Variants in MYH3 observed in about 807,000 individuals in gnomAD.
The protein encoded by MYH3 is myosin-3.
In MYH3, 130 loss-of-function variants were observed where a neutral mutation model predicts 238.0. That is an observed-to-expected ratio of 0.55 (90% CI 0.47 to 0.63). The LOEUF is 0.63. Among genes scored for constraint, MYH3 ranks in the 30% least tolerant of loss-of-function variants. The probability of loss-of-function intolerance (pLI) is 0.00; values close to 1 mark genes in which losing one functional copy is unlikely to be tolerated. For synonymous variants in MYH3, 880 were observed against 924.1 expected, an observed-to-expected ratio of 0.95 and a Z score of 0.86; for missense variants, 1,853 against 2,374.9, an observed-to-expected ratio of 0.78 and a Z score of 4.57.
intron 40 of MYH3, among the ~76,000 whole-genome samples, chr17:10,628,917 T>C (rs1213740817): frequency 1.3e-5 from 2 of 152,188 alleles, no homozygotes; most frequent in African/African-American, 4.8e-5. Context: ...TCGGATGCTG[T>C]GTGTTCAGCG....
upstream of MYH3, among the ~76,000 whole-genome samples, chr17:10,660,752 G>A (rs138083166): frequency 0.011 from 1,632 of 151,782 alleles, 27 homozygotes; most frequent in African/African-American, 0.037. Flanking sequence ...AGGCCAAGGC[G>A]GGTGGATCAC....
chr17:10,648,768 C>T (rs1263012284), intron 7 of MYH3, 119 bp from the exon 8 acceptor site: 7 of 829,780 alleles, frequency 8.4e-6, no homozygotes, highest in East Asian at 2.6e-5. Flanking sequence ...CTCCACCTCC[C>T]GGGTTCATGT....
chr17:10,638,539 C>T, intron 26 of MYH3, 107 bp from the exon 27 acceptor site: 1 of 1,448,598 alleles, frequency 6.9e-7, no homozygotes, highest in Non-Finnish European at 9.4e-7. Flanking sequence ...GAGTCTTAGA[C>T]TCCCCTCCAA....
rs754034118 is a variant in MYH3, at chr17:10,640,474, T to G, written c.2290-5A>C. 1.6e-5 allele frequency: 26 copies of G among 1,614,082 alleles called. No individual in the cohort carries two copies. The highest frequency in any genetic ancestry group is 2.5e-6 in the Non-Finnish European group (3 of 1,180,040). On this transcript the variant is annotated splice_region_variant and splice_polypyrimidine_tract_variant and intron_variant, in intron 20 of 40. Coordinates refer to ENST00000583535, the MANE Select transcript of MYH3 (RefSeq NM_002470.4). ...CAAGCCAGCCTTGAAGAACACCTTA[T>G]GGGGCAGAAGGGTGACATGAGTCAG...
chr17:10,648,037 G>A (rs1461465439), intron 8 of MYH3, among the ~76,000 whole-genome samples: 1 of 152,138 alleles, frequency 6.6e-6, no homozygotes, highest in Non-Finnish European at 1.5e-5. Context: ...CTGGCTTATA[G>A]AATCCCTCAG....
intron 36 of MYH3, 95 bp downstream of exon 36, chr17:10,631,516 T>C: frequency 6.3e-7 from 1 of 1,582,146 alleles, no homozygotes; most frequent in Non-Finnish European, 8.7e-7. Context: ...GTGCACCAGG[T>C]GTGGCTGGGG....
In MYH3 at chr17:10,645,997, G is replaced by C; in HGVS notation, c.934C>G (p.Pro312Ala). 1 of 1,613,970 alleles carries C rather than the reference G, an allele frequency of 6.2e-7. No individual in the cohort carries two copies. The highest frequency in any genetic ancestry group is 2.2e-5 in the East Asian group (1 of 44,840). The change falls in exon 11 of 41, where the codon CCG becomes GCG. Residue 312 changes from proline to alanine, a missense_variant. Transcript: ENST00000583535. ...AGGATCTCCCCCTGGCTAATGAACG[G>C]GTAGTCGTAAGGGTTGGTCGTAATA... is the stretch of plus-strand genomic sequence containing the variant. ...LLITTNPYDYPFISQGEILVA... is the reference protein window; with the variant it reads ...LLITTNPYDYAFISQGEILVA...
the MYH3 span, among the ~76,000 whole-genome samples, chr17:10,671,618 C>T: frequency 2.1e-4 from 27 of 126,926 alleles, no homozygotes; most frequent in East Asian, 4.7e-3. Context: ...TAGCTCTTGT[C>T]GCCCAGGCTG....
chr17:10,652,495 C>T lies in MYH3; in HGVS notation c.273G>A (p.Met91Ile), dbSNP rs1398260280. 6.2e-7 allele frequency: 1 copy of T among 1,613,868 alleles called. No homozygotes were observed. The highest frequency in any genetic ancestry group is 1.7e-4 in the Middle Eastern group (1 of 6,060). ...GCTCATTCAGGTGCGTCAGCATGGC[C>T]ATGTCTTCGATCCTGTCGAACTTGG... is the stretch of plus-strand genomic sequence containing the variant. The part of the protein sequence containing the change: ...NPPKFDRIED[M>I]AMLTHLNEPA... The change falls in exon 4 of 41, where the codon ATG becomes ATA. Residue 91 changes from methionine to isoleucine, a missense_variant. Transcript: ENST00000583535.
At chr17:10,629,379 A>G (rs2074128264) in intron 40 of MYH3, among the ~76,000 whole-genome samples, 1 of 152,050 alleles carries the variant, frequency 6.6e-6, no homozygotes, top group Non-Finnish European at 1.5e-5. Flanking sequence ...TTATGGCTGC[A>G]TAGTATTCCA....
At chr17:10,668,210 T>C in the MYH3 span, among the ~76,000 whole-genome samples, 86,588 of 152,092 alleles carry the variant, frequency 0.57, 27,017 homozygotes, top group African/African-American at 0.83. Flanking sequence ...GCCTGACAAA[T>C]ATGGCGAAAT....
rs544303999 is a variant in MYH3, at chr17:10,652,724, C to T, written c.205-161G>A. ...GCAAGCTCCACCTCCCGGGTTCACA[C>T]CATTCTTCTGCCTCAGCCTCCCAAG... On this transcript the variant is annotated intron_variant, in intron 3 of 40. Transcript: ENST00000583535. Among the ~76,000 whole-genome samples the T allele has an allele frequency of 2.7e-5, 4 of 146,512 alleles. No homozygotes were observed. In the East Asian group the frequency reaches 8.2e-4, roughly 30 times the overall value.
chr17:10,671,410 T>G, the MYH3 span, among the ~76,000 whole-genome samples: 1 of 152,134 alleles, frequency 6.6e-6, no homozygotes, highest in African/African-American at 2.4e-5. Context: ...TCGCTTTCCA[T>G]GTGAGAGTCC....
Position 10,656,124 on chromosome 17 carries a change from C to G in MYH3, c.-43G>C, listed in dbSNP as rs565949937. The G allele has an allele frequency of 6.6e-6, 1 of 152,316 alleles. No individual in the cohort carries two copies. The highest frequency in any genetic ancestry group is 1.5e-5 in the Non-Finnish European group (1 of 68,116). 9.4% of individuals were successfully genotyped at this position (152,316 alleles called of 1,614,324 possible). A position where few individuals can be genotyped will look rare whatever the true frequency, so the allele number is the denominator to read the frequency against. On this transcript the variant is annotated 5_prime_UTR_variant, in exon 2 of 41. Transcript: ENST00000583535. The stretch of plus-strand genomic sequence containing the variant: ...CCACCTGCAGGATGAGAGCAGAAGA[C>G]AGCAACAGCCAGGAGATCCCAGACC...
At chr17:10,672,194 TC>T in the MYH3 span, among the ~76,000 whole-genome samples, 3 of 152,366 alleles carry the variant, frequency 2.0e-5, no homozygotes, top group Admixed American at 2.0e-4. Context: ...TTGTTTCATT[TC>T]ATTAATCACT....
Position 10,652,496 on chromosome 17 carries a change from A to T in MYH3, c.272T>A (p.Met91Lys). Reference sequence around the variant, plus strand: ...CTCATTCAGGTGCGTCAGCATGGCCATGTCTTCGATCCTGTCGAACTTGGG... The same window carrying T: ...CTCATTCAGGTGCGTCAGCATGGCCTTGTCTTCGATCCTGTCGAACTTGGG... ...NPPKFDRIED[M>K]AMLTHLNEPA... Residue 91 changes from methionine (M) to lysine (K), a missense_variant, in exon 4 of 41, where the codon ATG becomes AAG. Met to Lys is a moderately conservative substitution (Grantham distance 95, BLOSUM62 -1). Around this residue, in one of 3 missense-constraint regions of MYH3, gnomAD observed 131 missense variants for 123.5 expected, o/e 1.06. Transcript: ENST00000583535. The T allele has an allele frequency of 1.2e-6, 2 of 1,612,854 alleles. No homozygotes were observed.
chr17:10,645,438 G>A (rs1401003253), intron 12 of MYH3, among the ~76,000 whole-genome samples: 1 of 151,850 alleles, frequency 6.6e-6, no homozygotes, highest in East Asian at 2.0e-4. Flanking sequence ...TCTGACTCTC[G>A]TGCCTCAGCC....
At chr17:10,663,931 C>T in the MYH3 span, among the ~76,000 whole-genome samples, 10 of 151,644 alleles carry the variant, frequency 6.6e-5, no homozygotes, top group Non-Finnish European at 1.2e-4. Flanking sequence ...GATGTGGTGG[C>T]GTGCACCTGT....
At chr17:10,634,320 G>A in intron 31 of MYH3, 138 bp from the exon 32 acceptor site, 1 of 985,098 alleles carries the variant, frequency 1.0e-6, no homozygotes, top group Non-Finnish European at 1.6e-6. Context: ...TCGATTATTG[G>A]GCTAATCAAG....
Sources: gnomAD v4.1 joint callset for allele counts (sites outside exome capture counted in the v4.1 genomes callset) on GRCh38, gnomAD v4.1.1 for gene constraint, gnomAD v4.1.1 regional missense constraint, MANE v1.5 for transcripts, NCBI Gene and HGNC (gene_info 2026-07-23, HGNC 2026-07-21) for gene names.